ALOX15: variants seen among roughly 807,000 people sequenced by gnomAD.
The protein encoded by ALOX15 is polyunsaturated fatty acid lipoxygenase ALOX15.
ALOX15 carries 68 observed loss-of-function variants against 71.7 expected under a neutral mutation model. That is an observed-to-expected ratio of 0.95 (90% confidence interval 0.78 to 1.16). The LOEUF (loss-of-function observed/expected upper bound fraction) is 1.16, where lower values mean the gene tolerates loss of function less well. Among genes scored for constraint, ALOX15 ranks in the 50% most tolerant of loss-of-function variants. The probability of loss-of-function intolerance (pLI) is 0.00; values close to 1 mark genes in which losing one functional copy is unlikely to be tolerated. For missense variants in ALOX15, 798 were observed against 818.8 expected (o/e 0.97, Z 0.31); for synonymous variants, 346 against 333.3 (o/e 1.04, Z -0.42).
Position 4,639,517 on chromosome 17 carries a change from G to C in ALOX15, c.250C>G (p.Gln84Glu), listed in dbSNP as rs751124489. The stretch of plus-strand genomic sequence containing the variant: ...ACCTCGTCCCCGGCTCCGGGGCCCT[G>C]CACAGAGATCCAGTTGCAGAACCAG... ...DAWFCNWISV[Q>E]GPGAGDEVRF... The change falls in exon 2 of 14, where the codon CAG (glutamine) becomes GAG (glutamate). Residue 84 changes from glutamine (Q) to glutamate (E), a missense_variant. This residue lies in a region of ALOX15 where 300 missense variants were observed against 283.1 expected (regional missense o/e 1.06). Coordinates refer to ENST00000293761, the MANE Select transcript of ALOX15 (RefSeq NM_001140.5). The C allele has an allele frequency of 6.3e-7, 1 of 1,590,538 alleles. No individual in the cohort carries two copies. The highest frequency in any genetic ancestry group is 8.6e-7 in the Non-Finnish European group (1 of 1,159,968).
intron 6 of ALOX15, 79 bp from the exon 7 acceptor site, chr17:4,637,337 G>A: frequency 1.3e-6 from 2 of 1,485,478 alleles, no homozygotes; most frequent in Non-Finnish European, 1.8e-6. Context: ...AGGGGGAAGA[G>A]AGTGGAGCTA....
At chr17:4,632,330 G>T in intron 11 of ALOX15, 49 bp from the exon 12 acceptor site, 1 of 1,497,300 alleles carries the variant, frequency 6.7e-7, no homozygotes, top group South Asian at 1.1e-5. Context: ...GAGTAGGGCA[G>T]CGCTCAGAGG....
Position 4,639,504 on chromosome 17 carries a change from G to A in ALOX15, c.263C>T (p.Ala88Val). The A allele has an allele frequency of 6.2e-7, 1 of 1,613,980 alleles. No individual in the cohort carries two copies. ...CNWISVQGPG[A>V]GDEVRFPCYR... ...ACAAGGGAACCTGACCTCGTCCCCG[G>A]CTCCGGGGCCCTGCACAGAGATCCA... The change falls in exon 2 of 14, where the codon GCC becomes GTC. Residue 88 changes from alanine to valine, a missense_variant. Ala to Val is a moderately conservative substitution (Grantham distance 64, BLOSUM62 0). Around this residue, in one of 3 missense-constraint regions of ALOX15, gnomAD observed 300 missense variants for 283.1 expected, o/e 1.06. Coordinates refer to ENST00000293761, the MANE Select transcript of ALOX15 (RefSeq NM_001140.5).
rs931979353 is a variant in ALOX15 at position 4,631,442 on chromosome 17, A to C, written c.*158T>G. On this transcript the variant is annotated 3_prime_UTR_variant, in exon 14 of 14. Transcript: ENST00000293761. ...GTCCCAGGTGATGCCTCTAGAGTAA[A>C]ATGTGTTCACTGGGTGCAGAGACCA... 3.6e-6 allele frequency: 3 copies of C among 823,662 alleles called. No homozygotes were observed. The highest frequency in any genetic ancestry group is 3.7e-6 in the Non-Finnish European group (2 of 539,352). The allele number at this position is 823,662 out of a possible 1,614,324, so 51.0% of individuals were successfully genotyped here.
In ALOX15 at chr17:4,639,290, C is replaced by T. The variant is rs1597432908; in HGVS notation, c.337+140G>A. On this transcript the variant is annotated intron_variant, in intron 2 of 13. Transcript: ENST00000293761. Reference sequence around the variant, plus strand: ...CCAGCCACTTTGTGCCAGCTGCAGCCACCGCCCCTTCGACACCCCCAAAGA... The same window carrying T: ...CCAGCCACTTTGTGCCAGCTGCAGCTACCGCCCCTTCGACACCCCCAAAGA... The T allele has an allele frequency of 3.8e-5, 52 of 1,381,258 alleles. No individual in the cohort carries two copies. The East Asian group carries it at 1.0e-3, about 27-fold the overall frequency. The allele number at this position is 1,381,258 out of a possible 1,614,324, so 85.6% of individuals were successfully genotyped here. A position where few individuals can be genotyped will look rare whatever the true frequency, so the allele number is the denominator to read the frequency against.
Position 4,638,603 on chromosome 17 carries a change from C to A in ALOX15, c.624G>T (p.Trp208Cys). ...GACCAGCCAGCTTGCTCTGACCACA[C>A]CAGAAAATCCGGTTGAAGTCATCTA... ...KDLDDFNRIF[W>C]CGQSKLAERV... Residue 208 changes from tryptophan (W) to cysteine (C), a missense_variant, in exon 5 of 14, where the codon TGG (tryptophan) becomes TGT (cysteine). This residue lies in a region of ALOX15 where 300 missense variants were observed against 283.1 expected (regional missense o/e 1.06). Coordinates refer to ENST00000293761, the MANE Select transcript of ALOX15 (RefSeq NM_001140.5). The A allele has an allele frequency of 1.2e-6, 2 of 1,614,134 alleles. No individual in the cohort carries two copies. Among genetic ancestry groups the A allele is most frequent in the Admixed American group, 1.7e-5 (1 of 60,026 alleles).
At position 4,632,939 on chromosome 17, in the gene ALOX15, C is replaced by A. The variant is rs143980505; in HGVS notation, c.1462G>T (p.Ala488Ser). Residue 488 changes from alanine (A) to serine (S), a missense_variant, in exon 11 of 14, where the codon GCT becomes TCT. By Grantham distance (99) the Ala-to-Ser change is moderately conservative (BLOSUM62 1). Around this residue, in one of 3 missense-constraint regions of ALOX15, gnomAD observed 490 missense variants for 509.4 expected, o/e 0.96. Transcript: ENST00000293761. ...IVSLHYKTDV[A>S]VKDDPELQTW... ...TGCAGCTCTGGGTCGTCTTTCACAG[C>A]CACGTCTGTCTTATAGTGGAGACTC... The A allele has an allele frequency of 3.1e-6, 5 of 1,614,024 alleles. No homozygotes were observed. The African/African-American group carries it at 5.3e-5, about 17-fold the overall frequency.
rs147238486 is a variant in ALOX15 at position 4,633,300 on chromosome 17, C to T, written c.1264G>A (p.Gly422Arg). The T allele has an allele frequency of 2.8e-5, 45 of 1,613,806 alleles. No individual in the cohort carries two copies. Among genetic ancestry groups the T allele is most frequent in the African/African-American group, 2.5e-4 (19 of 75,018 alleles). ...GIFDQIMSTG[G>R]GGHVQLLKQA... is the part of the protein sequence containing the mutation. The stretch of plus-strand genomic sequence containing the variant: ...TTGAGCAGCTGCACGTGGCCTCCCC[C>T]ACCAGTGCTCATTATCTGAGAAGTG... Residue 422 changes from glycine to arginine, a missense_variant, in exon 10 of 14, where the codon GGG becomes AGG. By Grantham distance (125) the Gly-to-Arg change is moderately radical. Coordinates refer to ENST00000293761, the MANE Select transcript of ALOX15 (RefSeq NM_001140.5).
At position 4,641,517 on chromosome 17, in the gene ALOX15, C is replaced by T. The variant is rs1911329866; in HGVS notation, c.135G>A (p.Lys45=). ...LGKRLWPARG[K]ETELKVEVPE... ...CCCCGCCCGGCTCTGGGGAGCTCAC[C>T]TTGCCCCGTGCGGGCCACAGTCGCT... The change falls in exon 1 of 14, where the codon AAG becomes AAA. Residue 45 remains lysine (K), a splice_region_variant and synonymous_variant. Coordinates refer to ENST00000293761, the MANE Select transcript of ALOX15 (RefSeq NM_001140.5). 3.1e-6 allele frequency: 5 copies of T among 1,612,582 alleles called. No individual in the cohort carries two copies. The highest frequency in any genetic ancestry group is 4.2e-6 in the Non-Finnish European group (5 of 1,179,716).
intron 1 of ALOX15, among the ~76,000 whole-genome samples, chr17:4,640,294 A>C (rs879792208): frequency 0.14 from 12,587 of 92,248 alleles, 17 homozygotes; most frequent in African/African-American, 0.19. Context: ...TTAGGGAGAA[A>C]TCATTCCGGC....
At chr17:4,640,550 G>C (rs1301256995) in intron 1 of ALOX15, among the ~76,000 whole-genome samples, 1 of 143,342 alleles carries the variant, frequency 7.0e-6, no homozygotes, top group African/African-American at 2.8e-5. Context: ...GAGGAAAAAA[G>C]GGAGGAGGGA....
At chr17:4,641,042 CAT>C (rs1433599193) in intron 1 of ALOX15, among the ~76,000 whole-genome samples, 4 of 150,630 alleles carry the variant, frequency 2.7e-5, no homozygotes, top group Non-Finnish European at 5.9e-5. Context: ...GTAGATGTGA[CAT>C]GAGATATGAC....
chr17:4,633,277 G>A lies in ALOX15; in HGVS notation c.1287C>T (p.Leu429=), dbSNP rs147073659. The part of the protein sequence containing the change: ...STGGGGHVQL[L]KQAGAFLTYS... ...AGGTTAGGAAGGCTCCAGCTTGCTT[G>A]AGCAGCTGCACGTGGCCTCCCCCAC... The change falls in exon 10 of 14, where the codon CTC becomes CTT. Residue 429 remains leucine, a synonymous_variant. Transcript: ENST00000293761. 184 of 1,614,156 alleles carry A rather than the reference G, an allele frequency of 1.1e-4. 1 individual carries two copies. The highest frequency in any genetic ancestry group is 2.8e-4 in the African/African-American group (21 of 75,042).
At position 4,635,991 on chromosome 17, in the gene ALOX15, G is replaced by T. The variant is rs775830781; in HGVS notation, c.952-23C>A. 23 of 1,610,676 alleles carry T rather than the reference G, an allele frequency of 1.4e-5. No individual in the cohort carries two copies. The East Asian group carries it at 5.1e-4, about 36-fold the overall frequency. On this transcript the variant is annotated intron_variant, in intron 7 of 13. Transcript: ENST00000293761. The stretch of plus-strand genomic sequence containing the variant: ...GAGCTGGAGCAGGGACAAGTGTGGG[G>T]AGAGAAGGCATGAGTGCCAGGCACT...
intron 2 of ALOX15, 41 bp from the exon 3 acceptor site, chr17:4,639,173 A>G (rs1597432835): frequency 6.2e-7 from 1 of 1,610,520 alleles, no homozygotes; most frequent in Non-Finnish European, 8.5e-7. Context: ...ACTTTTGGTG[A>G]GCGCCTCTTC....
intron 7 of ALOX15, 89 bp from the exon 8 acceptor site, chr17:4,636,057 G>C (rs140225478): frequency 2.2e-6 from 3 of 1,387,188 alleles, no homozygotes; most frequent in East Asian, 4.7e-5. Context: ...CTCACCCTTC[G>C]TCCTCCAAAC....
In ALOX15 at chr17:4,638,870, A is replaced by G; in HGVS notation, c.522T>C (p.Phe174=). The part of the protein sequence containing the change: ...ERFLEDKRVD[F]EVSLAKGLAD... Reference sequence around the variant, plus strand: ...CTCACCCCTTGGCCAGCGAAACCTCAAAGTCAACTCTCTTGTCTTCCAGAA... The same window carrying G: ...CTCACCCCTTGGCCAGCGAAACCTCGAAGTCAACTCTCTTGTCTTCCAGAA... Residue 174 remains phenylalanine, a synonymous_variant, in exon 4 of 14, where the codon TTT becomes TTC. Transcript: ENST00000293761. The G allele has an allele frequency of 2.5e-6, 4 of 1,614,200 alleles. No individual in the cohort carries two copies. The highest frequency in any genetic ancestry group is 3.4e-6 in the Non-Finnish European group (4 of 1,180,036).
intron 8 of ALOX15, among the ~76,000 whole-genome samples, chr17:4,634,648 TATAG>T (rs1194016830): frequency 1.3e-5 from 2 of 152,150 alleles, no homozygotes; most frequent in East Asian, 1.9e-4. Context: ...CTGTGCTTTA[TATAG>T]ATATATATCA....
chr17:4,639,149 G>C lies in ALOX15; in HGVS notation c.338-17C>G. The C allele has an allele frequency of 6.2e-7, 1 of 1,613,920 alleles. No homozygotes were observed. Among genetic ancestry groups the C allele is most frequent in the Non-Finnish European group, 8.5e-7 (1 of 1,179,946 alleles). On this transcript the variant is annotated splice_polypyrimidine_tract_variant and intron_variant, in intron 2 of 13. Coordinates refer to ENST00000293761, the MANE Select transcript of ALOX15 (RefSeq NM_001140.5). ...CAGTGCGGCCTAGAAGGACAGAGGAGGACTTGGCCAGTGACTTTTGGTGAG... is the reference window on the plus strand; with the variant it reads ...CAGTGCGGCCTAGAAGGACAGAGGACGACTTGGCCAGTGACTTTTGGTGAG...
Sources: gnomAD v4.1 joint callset for allele counts (sites outside exome capture counted in the v4.1 genomes callset) on GRCh38, gnomAD v4.1.1 for gene constraint, gnomAD v4.1.1 regional missense constraint, MANE v1.5 for transcripts, NCBI Gene and HGNC (gene_info 2026-07-23, HGNC 2026-07-21) for gene names.